Variants in CACNA2D3 observed in about 807,000 individuals in gnomAD.
CACNA2D3 encodes voltage-dependent calcium channel subunit alpha-2/delta-3.
A neutral mutation model predicts 160.6 loss-of-function variants in CACNA2D3; 60 were observed. That is an observed-to-expected ratio of 0.37 (90% CI 0.30 to 0.46). The LOEUF is 0.46. CACNA2D3 is among the 20% of genes least tolerant of loss of function. CACNA2D3 has a pLI of 1.00. For synonymous variants in CACNA2D3, 558 were observed against 492.9 expected (o/e 1.13, Z -1.75); for missense variants, 1,205 against 1,365.0 (o/e 0.88, Z 1.85).
intron 3 of CACNA2D3, among the ~76,000 whole-genome samples, chr3:54,339,715 T>C (rs1704472818): frequency 6.6e-6 from 1 of 152,206 alleles, no homozygotes; most frequent in Non-Finnish European, 1.5e-5. Flanking sequence ...TCGAGTAACT[T>C]AAATAAGTTT....
At chr3:55,004,979 A>G in intron 32 of CACNA2D3, 141 bp downstream of exon 32, 1 of 627,236 alleles carries the variant, frequency 1.6e-6, no homozygotes, top group Non-Finnish European at 2.7e-6. Flanking sequence ...CTTAAAAAAA[A>G]AAAAAAACAC....
chr3:55,059,315 C>T (rs1047805175), intron 35 of CACNA2D3, among the ~76,000 whole-genome samples: 2 of 152,220 alleles, frequency 1.3e-5, no homozygotes, highest in African/African-American at 4.8e-5. Flanking sequence ...GATGTAGGGA[C>T]AGATTCTCTT....
chr3:54,754,199 G>A (rs572869355), intron 12 of CACNA2D3, among the ~76,000 whole-genome samples: 1 of 152,232 alleles, frequency 6.6e-6, no homozygotes, highest in African/African-American at 2.4e-5. Context: ...TGCCCAGTCT[G>A]TGAAGGCCTT....
chr3:55,055,592 T>A (rs935187436), intron 35 of CACNA2D3, among the ~76,000 whole-genome samples: 1 of 152,130 alleles, frequency 6.6e-6, no homozygotes, highest in African/African-American at 2.4e-5. Context: ...AAAATGAAAT[T>A]GGAATTTTGA....
intron 2 of CACNA2D3, among the ~76,000 whole-genome samples, chr3:54,225,065 T>G (rs1413514057): frequency 6.6e-6 from 1 of 152,024 alleles, no homozygotes; most frequent in Non-Finnish European, 1.5e-5. Context: ...TAACTCATCA[T>G]TTACATTAGG....
At chr3:54,653,695 C>G (rs1188959232) in intron 11 of CACNA2D3, among the ~76,000 whole-genome samples, 1 of 152,228 alleles carries the variant, frequency 6.6e-6, no homozygotes, top group African/African-American at 2.4e-5. Context: ...GCCACTGATG[C>G]ACGGCTGCTG....
chr3:54,411,467 G>A (rs948576522), intron 4 of CACNA2D3, among the ~76,000 whole-genome samples: 20 of 152,150 alleles, frequency 1.3e-4, no homozygotes, highest in African/African-American at 4.6e-4. Context: ...CCATCAACAT[G>A]GAGTCAAGAC....
rs146907484 is a variant in CACNA2D3 at position 54,966,644 on chromosome 3, C to T, written c.2450-1806C>T. On this transcript the variant is annotated intron_variant, in intron 27 of 37. Transcript: ENST00000474759. ...GATCAGCCTGGCTAACATGGTGAAA[C>T]TTCACCTCTACAGAAAATACAAAAA... Among the ~76,000 whole-genome samples, 690 of 152,250 alleles carry T rather than the reference C, an allele frequency of 4.5e-3. 3 individuals are homozygous for T. The highest frequency in any genetic ancestry group is 0.016 in the African/African-American group (649 of 41,554).
chr3:54,668,719 C>T (rs897957895), intron 11 of CACNA2D3, among the ~76,000 whole-genome samples: 2 of 152,264 alleles, frequency 1.3e-5, no homozygotes, highest in Admixed American at 1.3e-4. Flanking sequence ...ACACAGGAGA[C>T]AGGGAACCTG....
chr3:54,626,684 C>CAAAAAAAAAA (rs71096430), intron 9 of CACNA2D3: 155 of 318,114 alleles, frequency 4.9e-4, no homozygotes, highest in African/African-American at 2.7e-3. Flanking sequence ...TGGTTCCAGT[C>CAAAAAAAAAA]AAAAAAAAAA....
At chr3:54,499,487 A>G (rs1396656471) in intron 4 of CACNA2D3, among the ~76,000 whole-genome samples, 1 of 152,106 alleles carries the variant, frequency 6.6e-6, no homozygotes, top group Non-Finnish European at 1.5e-5. Context: ...AGTTTTCTAA[A>G]GTAGAAGCTT....
At chr3:54,413,801 G>GT (rs1033012542) in intron 4 of CACNA2D3, among the ~76,000 whole-genome samples, 16 of 147,058 alleles carry the variant, frequency 1.1e-4, no homozygotes, top group South Asian at 6.4e-4. Flanking sequence ...CACTGATTAT[G>GT]TTTTTTTTTA....
chr3:54,898,052 G>T (rs1700231340), intron 26 of CACNA2D3, among the ~76,000 whole-genome samples: 1 of 147,260 alleles, frequency 6.8e-6, no homozygotes, highest in African/African-American at 2.5e-5. Context: ...AAATTTCCAG[G>T]TGTCCGAAGC....
At position 55,074,266 on chromosome 3, in the gene CACNA2D3, T is replaced by TAA. The variant is rs1356912716; in HGVS notation, c.*62_*63dup. The TAA allele has an allele frequency of 1.6e-5, 23 of 1,405,698 alleles. No individual in the cohort carries two copies. The highest frequency in any genetic ancestry group is 2.3e-5 in the Non-Finnish European group (23 of 989,798). 87.1% of individuals were successfully genotyped at this position (1,405,698 alleles called of 1,614,324 possible). ...TTCTCTTGGCATGCTAAATCATGGA[T>TAA]AAACTGTGAACCAAAATATGGTGCA... On this transcript the variant is annotated 3_prime_UTR_variant, in exon 38 of 38. Transcript: ENST00000474759.
chr3:54,214,693 A>T (rs1360387078), intron 2 of CACNA2D3, among the ~76,000 whole-genome samples: 1 of 152,190 alleles, frequency 6.6e-6, no homozygotes, highest in Non-Finnish European at 1.5e-5. Flanking sequence ...GCCCCAGCAC[A>T]GTCAGGAAGA....
chr3:54,628,759 A>G (rs1166266273), intron 10 of CACNA2D3, among the ~76,000 whole-genome samples: 1 of 152,188 alleles, frequency 6.6e-6, no homozygotes, highest in Non-Finnish European at 1.5e-5. Context: ...GAATGAAGCA[A>G]TCCACAGATT....
At chr3:54,474,798 AAGTGAAG>A (rs1700800229) in intron 4 of CACNA2D3, among the ~76,000 whole-genome samples, 2 of 152,154 alleles carry the variant, frequency 1.3e-5, no homozygotes, top group Admixed American at 6.6e-5. Flanking sequence ...TTCATTTTTC[AAGTGAAG>A]TTGAGTTCTC....
chr3:54,203,675 C>T (rs1701216580), intron 2 of CACNA2D3, among the ~76,000 whole-genome samples: 1 of 152,112 alleles, frequency 6.6e-6, no homozygotes, highest in Admixed American at 6.5e-5. Context: ...CCTTCAACTC[C>T]CTCGGCCAAA....
chr3:55,017,109 T>G (rs976513610), intron 34 of CACNA2D3, among the ~76,000 whole-genome samples: 1 of 152,200 alleles, frequency 6.6e-6, no homozygotes, highest in Non-Finnish European at 1.5e-5. Context: ...GGAATTGAAA[T>G]GTAAATAAGA....
Sources: allele counts gnomAD v4.1 joint callset (sites outside exome capture counted in the v4.1 genomes callset), GRCh38; gene constraint gnomAD v4.1.1; transcripts MANE v1.5; gene names NCBI Gene and HGNC (gene_info 2026-07-23, HGNC 2026-07-21).